DNAH3: variants seen among roughly 807,000 people sequenced by gnomAD.
DNAH3 encodes the protein dynein axonemal heavy chain 3, also known as axonemal beta dynein heavy chain 3.
A neutral mutation model predicts 432.5 loss-of-function variants in DNAH3; 332 were observed. The ratio of observed to expected loss-of-function variants is 0.77; its 90% confidence interval spans 0.70 to 0.84. The LOEUF is 0.84. Among genes scored for constraint, DNAH3 ranks in the 40% least tolerant of loss-of-function variants. The probability of loss-of-function intolerance (pLI) is 0.00; values close to 1 mark genes in which losing one functional copy is unlikely to be tolerated. For missense variants in DNAH3, 4,861 were observed against 5,114.0 expected (o/e 0.95, Z 1.51); for synonymous variants, 1,956 against 1,900.2 (o/e 1.03, Z -0.76).
intron 33 of DNAH3, 60 bp from the exon 34 acceptor site, chr16:21,038,040 C>T: frequency 1.4e-6 from 2 of 1,472,800 alleles, no homozygotes; most frequent in Non-Finnish European, 1.9e-6. Flanking sequence ...GCCCAGCAGA[C>T]ATTCCCAATA....
exon 57 of DNAH3, chr16:20,948,597 G>C (rs770771303): frequency 6.2e-7 from 1 of 1,614,126 alleles, no homozygotes; most frequent in African/African-American, 1.3e-5. Context: ...GGAGACGCCG[G>C]TCTTTGTCAT....
intron 51 of DNAH3, among the ~76,000 whole-genome samples, chr16:20,970,960 C>T (rs1455774911): frequency 1.3e-5 from 2 of 151,174 alleles, no homozygotes; most frequent in Non-Finnish European, 2.9e-5. Context: ...CTCTGCTTCC[C>T]GGGTTCAAGT....
At chr16:21,106,818 C>T (rs2091958811) in intron 14 of DNAH3, 144 bp from the exon 15 acceptor site, 1 of 597,744 alleles carries the variant, frequency 1.7e-6, no homozygotes, top group African/African-American at 1.8e-5. Context: ...TTTTTCCCTG[C>T]CTGCAAATCC....
exon 48 of DNAH3, chr16:20,985,659 G>A (rs61734980): frequency 1.2e-6 from 2 of 1,614,056 alleles, no homozygotes; most frequent in African/African-American, 1.3e-5. Context: ...CTCCAAAGAA[G>A]AGGCTTCGAA....
chr16:20,964,338 G>T, exon 53 of DNAH3: 1 of 1,614,180 alleles, frequency 6.2e-7, no homozygotes, highest in Non-Finnish European at 8.5e-7. Flanking sequence ...CAACTTCTGG[G>T]AGGTAATGTG....
chr16:21,057,333 C>T (rs1197526046), intron 27 of DNAH3, among the ~76,000 whole-genome samples: 1 of 152,188 alleles, frequency 6.6e-6, no homozygotes, highest in African/African-American at 2.4e-5. Context: ...ACTGTATTAA[C>T]CCCTGGAAAT....
At chr16:21,060,279 A>G in exon 26 of DNAH3, 1 of 1,614,020 alleles carries the variant, frequency 6.2e-7, no homozygotes, top group Non-Finnish European at 8.5e-7. Context: ...CATATGCTTC[A>G]ATCCCAAGTC....
chr16:20,951,072 CA>C (rs1232089347), intron 56 of DNAH3, among the ~76,000 whole-genome samples: 1 of 152,118 alleles, frequency 6.6e-6, no homozygotes, highest in East Asian at 1.9e-4. Context: ...CCTTGGCCTC[CA>C]AAAGTGCTGG....
At chr16:21,088,026 A>C (rs958728620) in intron 18 of DNAH3, among the ~76,000 whole-genome samples, 1 of 152,034 alleles carries the variant, frequency 6.6e-6, no homozygotes, top group Non-Finnish European at 1.5e-5. Flanking sequence ...TCCAGCCAAG[A>C]CCTTTCCATG....
At chr16:21,031,564 C>T (rs1399082510) in intron 36 of DNAH3, among the ~76,000 whole-genome samples, 1 of 150,960 alleles carries the variant, frequency 6.6e-6, no homozygotes, top group Non-Finnish European at 1.5e-5. Context: ...ATTGTGCCAC[C>T]ACACTTCAGC....
rs1000507421 is a variant in DNAH3, at chr16:21,127,941, T to C, written c.1083-129A>G. The C allele has an allele frequency of 1.3e-5, 15 of 1,155,188 alleles. No homozygotes were observed. In the African/African-American group the frequency reaches 2.0e-4, roughly 15 times the overall value. The allele number at this position is 1,155,188 out of a possible 1,614,324, so 71.6% of individuals were successfully genotyped here. ...AAGCAGAATCAAATGAATTACAGGA[T>C]ATGGGAAAGATGCTGAGGAGGATAT... On this transcript the variant is annotated intron_variant, in intron 7 of 61. Transcript: ENST00000261383.
At chr16:20,947,227 G>A (rs1166142387) in intron 57 of DNAH3, among the ~76,000 whole-genome samples, 1 of 152,014 alleles carries the variant, frequency 6.6e-6, no homozygotes, top group African/African-American at 2.4e-5. Flanking sequence ...CTGGGTGCGG[G>A]GAGCTTCTGG....
At chr16:21,001,801 C>T (rs1004095348) in intron 42 of DNAH3, among the ~76,000 whole-genome samples, 2 of 152,064 alleles carry the variant, frequency 1.3e-5, no homozygotes, top group East Asian at 1.9e-4. Context: ...GTTCAAGATG[C>T]GTATTTTGCT....
At chr16:20,976,004 C>G (rs1019485011) in intron 50 of DNAH3, among the ~76,000 whole-genome samples, 1 of 152,098 alleles carries the variant, frequency 6.6e-6, no homozygotes, top group Non-Finnish European at 1.5e-5. Flanking sequence ...CTTAGCCTCC[C>G]GAAGTGCTGG....
chr16:21,155,412 A>G (rs2092891354), intron 1 of DNAH3, among the ~76,000 whole-genome samples: 1 of 152,012 alleles, frequency 6.6e-6, no homozygotes, highest in Admixed American at 6.5e-5. Context: ...TCACAAAGTC[A>G]GGAGTTTGAG....
rs184925244 is a variant in DNAH3 at position 20,941,160 on chromosome 16, T to G, written c.11654+241A>C. Among the ~76,000 whole-genome samples the G allele has an allele frequency of 3.3e-3, 506 of 152,324 alleles. 1 individual carries two copies. Among genetic ancestry groups the G allele is most frequent in the African/African-American group, 0.012 (491 of 41,568 alleles). ...TTTACTATTAGCCTGTGCTTGATAC[T>G]GGTTTTAGCCTAACTTTATAGATGT... is the stretch of plus-strand genomic sequence containing the variant. On this transcript the variant is annotated intron_variant, in intron 59 of 61. Coordinates refer to ENST00000261383, the Ensembl canonical transcript of DNAH3.
intron 49 of DNAH3, among the ~76,000 whole-genome samples, chr16:20,980,055 T>C (rs1196841279): frequency 1.3e-5 from 2 of 151,608 alleles, no homozygotes; most frequent in Admixed American, 1.3e-4. Flanking sequence ...CAGCCACAAA[T>C]GGTCTTTGAT....
chr16:21,025,739 G>GT (rs2088517987), intron 38 of DNAH3, among the ~76,000 whole-genome samples: 1 of 151,674 alleles, frequency 6.6e-6, no homozygotes, highest in South Asian at 2.1e-4. Flanking sequence ...TGTTGTTGTT[G>GT]TTGTTTGTTT....
Position 21,145,272 on chromosome 16 carries a change from CT to C in DNAH3, c.356del (p.Gln119ArgfsTer3). ...TCAGCAGATCTTTCAGCTTCAGGTC[CT>C]GGGCCATCAAGGAGTAGTTGTTGGC... On this transcript the variant is annotated frameshift_variant, in exon 3 of 62. Transcript: ENST00000261383. LOFTEE classifies it high-confidence loss of function. 6.2e-7 allele frequency: 1 copy of C among 1,614,054 alleles called. No individual in the cohort carries two copies. Among genetic ancestry groups the C allele is most frequent in the Non-Finnish European group, 8.5e-7 (1 of 1,180,004 alleles).
Sources: allele counts gnomAD v4.1 joint callset (sites outside exome capture counted in the v4.1 genomes callset), GRCh38; gene constraint gnomAD v4.1.1; transcripts MANE v1.5; gene names NCBI Gene and HGNC (gene_info 2026-07-23, HGNC 2026-07-21).